ERBIN: variants seen among roughly 807,000 people sequenced by gnomAD.
ERBIN encodes the protein erbb2 interacting protein.
Under a neutral mutation model 158.4 loss-of-function variants are expected in ERBIN, and 60 were observed. That is an observed-to-expected ratio of 0.38 (90% CI 0.31 to 0.47). The LOEUF (loss-of-function observed/expected upper bound fraction) is 0.47, where lower values mean the gene tolerates loss of function less well. Among genes scored for constraint, ERBIN ranks in the 20% least tolerant of loss-of-function variants. The pLI, the probability that ERBIN is intolerant of heterozygous loss-of-function variation, is 0.99. For synonymous variants in ERBIN, 594 were observed against 557.2 expected, an observed-to-expected ratio of 1.07 and a Z score of -0.93; for missense variants, 1,610 against 1,648.0, an observed-to-expected ratio of 0.98 and a Z score of 0.40.
In ERBIN at chr5:65,965,102, T is replaced by C. The variant is rs376422061; in HGVS notation, c.-57-23533T>C. Among the ~76,000 whole-genome samples, 59 of 151,994 alleles carry C rather than the reference T, an allele frequency of 3.9e-4. No homozygotes were observed. The South Asian group carries it at 1.0e-2, about 26-fold the overall frequency. ...CCCTGTGCCTGGCCAGAACAATCTTTTAAAAACTTAAATTAGATATTACTC... is the reference window on the plus strand; with the variant it reads ...CCCTGTGCCTGGCCAGAACAATCTTCTAAAAACTTAAATTAGATATTACTC... On this transcript the variant is annotated intron_variant, in intron 1 of 25. Transcript: ENST00000284037.
At chr5:66,072,110 C>CT (rs1167860086) in intron 21 of ERBIN, 59 bp from the exon 22 acceptor site, 2 of 1,513,092 alleles carry the variant, frequency 1.3e-6, no homozygotes, top group Non-Finnish European at 1.8e-6. Flanking sequence ...AAGTGTCATC[C>CT]TCTTGGTTTC....
intron 4 of ERBIN, among the ~76,000 whole-genome samples, chr5:65,998,175 C>T (rs1350983938): frequency 5.3e-5 from 8 of 151,030 alleles, no homozygotes; most frequent in Admixed American, 4.6e-4. Context: ...TTACAGTGAG[C>T]CAAGATAGCA....
At chr5:65,977,958 G>GGGTAGA (rs1750199822) in intron 1 of ERBIN, among the ~76,000 whole-genome samples, 1 of 145,856 alleles carries the variant, frequency 6.9e-6, no homozygotes, top group African/African-American at 2.6e-5. Context: ...GAGAGGGTTA[G>GGGTAGA]GGGAGAGGGA....
rs532768082 is a variant in ERBIN at position 65,949,345 on chromosome 5, T to G, written c.-58+22539T>G. On this transcript the variant is annotated intron_variant, in intron 1 of 25. Transcript: ENST00000284037. ...CACATCTGTGCTATAAAAAAAATAC[T>G]GAGTCCCAGTCCCAGGAAATATTTA... 1.3e-4 allele frequency among the ~76,000 whole-genome samples: 20 copies of G among 152,286 alleles called. No homozygotes were observed. In the East Asian group the frequency reaches 3.9e-3, roughly 29 times the overall value.
chr5:66,030,726 C>A (rs1756778538), intron 14 of ERBIN, among the ~76,000 whole-genome samples: 1 of 151,826 alleles, frequency 6.6e-6, no homozygotes, highest in Admixed American at 6.6e-5. Flanking sequence ...CCATGCCCAG[C>A]TAAATTTTTT....
intron 21 of ERBIN, among the ~76,000 whole-genome samples, chr5:66,060,802 A>G (rs1322490865): frequency 3.9e-5 from 6 of 152,186 alleles, no homozygotes; most frequent in Admixed American, 2.0e-4. Flanking sequence ...TTAGGTACCC[A>G]GTAGTCATTC....
intron 22 of ERBIN, among the ~76,000 whole-genome samples, chr5:66,072,799 A>G (rs1198210718): frequency 6.6e-6 from 1 of 152,158 alleles, no homozygotes; most frequent in African/African-American, 2.4e-5. Flanking sequence ...CCAGACAGAT[A>G]ATTTTTTACT....
intron 1 of ERBIN, among the ~76,000 whole-genome samples, chr5:65,941,680 A>G (rs543601996): frequency 3.3e-4 from 51 of 152,278 alleles, no homozygotes; most frequent in African/African-American, 1.2e-3. Flanking sequence ...CTTTGTCACT[A>G]CTTATACCCT....
chr5:65,996,236 T>C (rs1347871506), intron 4 of ERBIN, among the ~76,000 whole-genome samples: 1 of 138,938 alleles, frequency 7.2e-6, no homozygotes, highest in Non-Finnish European at 1.5e-5. Context: ...ATTTTTTTTT[T>C]CCTAGTAGTT....
chr5:65,943,203 A>G (rs1234989846), intron 1 of ERBIN, among the ~76,000 whole-genome samples: 1 of 152,200 alleles, frequency 6.6e-6, no homozygotes, highest in Non-Finnish European at 1.5e-5. Context: ...TCTGTTCAGT[A>G]GTTATAGCTT....
intron 5 of ERBIN, 51 bp downstream of exon 5, chr5:66,012,178 A>G (rs765836025): frequency 5.1e-6 from 6 of 1,176,468 alleles, no homozygotes; most frequent in Non-Finnish European, 6.1e-6. Flanking sequence ...AACAATTATG[A>G]AACTAGTAGA....
At chr5:65,973,185 T>G (rs1044742603) in intron 1 of ERBIN, among the ~76,000 whole-genome samples, 2 of 149,668 alleles carry the variant, frequency 1.3e-5, no homozygotes, top group African/African-American at 5.0e-5. Context: ...CCACATGTCA[T>G]AGGTGGGAAT....
intron 1 of ERBIN, among the ~76,000 whole-genome samples, chr5:65,939,746 G>C (rs1408881461): frequency 6.6e-6 from 1 of 152,268 alleles, no homozygotes; most frequent in Non-Finnish European, 1.5e-5. Context: ...ACGGGGTTTC[G>C]CTGTGTTGGC....
rs781686352 is a variant in ERBIN, at chr5:66,048,650, C to T, written c.1789-17C>T. 4.7e-6 allele frequency: 7 copies of T among 1,500,184 alleles called. No homozygotes were observed. Among genetic ancestry groups the T allele is most frequent in the Non-Finnish European group, 6.5e-6 (7 of 1,084,288 alleles). 92.9% of individuals were successfully genotyped at this position (1,500,184 alleles called of 1,614,324 possible). ...ACAAAAATTTAATTTTTATCCCCCT[C>T]ACCCCCTTTTCACTAGGAATCTGAA... On this transcript the variant is annotated splice_polypyrimidine_tract_variant and intron_variant, in intron 18 of 25. Transcript: ENST00000284037.
rs117486547 is a variant in ERBIN at position 66,015,798 on chromosome 5, C to T, written c.533+1073C>T. On this transcript the variant is annotated intron_variant, in intron 7 of 25. Coordinates refer to ENST00000284037, the MANE Select transcript of ERBIN (RefSeq NM_001253697.2). ...CTTGTAGTGTGCAATGATTGTACCA[C>T]TGCATTCCAGCATAAGAACAGAGTG... Among the ~76,000 whole-genome samples, 28 of 152,292 alleles carry T rather than the reference C, an allele frequency of 1.8e-4. 1 individual carries two copies. The East Asian group carries it at 3.5e-3, about 19-fold the overall frequency.
In ERBIN at chr5:65,984,466, C is replaced by G. The variant is rs575195948; in HGVS notation, c.-57-4169C>G. 3.9e-5 allele frequency among the ~76,000 whole-genome samples: 6 copies of G among 152,328 alleles called. No homozygotes were observed. In the East Asian group the frequency reaches 1.2e-3, roughly 29 times the overall value. The stretch of plus-strand genomic sequence containing the variant: ...CTAGATGCCACTCCCAAATCCCCTT[C>G]ACTCCATACCCACCAGGCTTCATGC... On this transcript the variant is annotated intron_variant, in intron 1 of 25. Coordinates refer to ENST00000284037, the MANE Select transcript of ERBIN (RefSeq NM_001253697.2).
intron 1 of ERBIN, among the ~76,000 whole-genome samples, chr5:65,927,992 G>A (rs899183973): frequency 3.3e-5 from 5 of 152,134 alleles, no homozygotes; most frequent in African/African-American, 4.8e-5. Context: ...AATCCTGTTG[G>A]TAGGTATATC....
At chr5:65,941,802 A>C (rs890556320) in intron 1 of ERBIN, among the ~76,000 whole-genome samples, 1 of 151,674 alleles carries the variant, frequency 6.6e-6, no homozygotes, top group African/African-American at 2.4e-5. Flanking sequence ...GTGCAGTGGC[A>C]CGATCTCTGC....
At chr5:65,950,406 G>T (rs977360684) in intron 1 of ERBIN, among the ~76,000 whole-genome samples, 1 of 152,010 alleles carries the variant, frequency 6.6e-6, no homozygotes, top group Non-Finnish European at 1.5e-5. Context: ...CTAAGTTTGG[G>T]TTTTTCTGAT....
Sources: gnomAD v4.1 joint callset for allele counts (sites outside exome capture counted in the v4.1 genomes callset) on GRCh38, gnomAD v4.1.1 for gene constraint, MANE v1.5 for transcripts, NCBI Gene and HGNC (gene_info 2026-07-23, HGNC 2026-07-21) for gene names.